Variants in BIRC6 observed in about 807,000 individuals in gnomAD.
BIRC6 encodes the protein dual E2 ubiquitin-conjugating enzyme/E3 ubiquitin-protein ligase BIRC6.
BIRC6 carries 98 observed loss-of-function variants against 503.3 expected under a neutral mutation model. The observed-to-expected ratio is 0.19, with a 90% CI of 0.17 to 0.23. The LOEUF (loss-of-function observed/expected upper bound fraction) is 0.23. Among genes scored for constraint, BIRC6 ranks in the 10% least tolerant of loss-of-function variants. The pLI, the probability that BIRC6 is intolerant of heterozygous loss-of-function variation, is 1.00. For missense variants in BIRC6, 5,360 were observed against 5,806.0 expected (o/e 0.92, Z 2.50); for synonymous variants, 2,240 against 2,078.7 (o/e 1.08, Z -2.11).
chr2:32,495,957 C>A (rs188182542), intron 45 of BIRC6, among the ~76,000 whole-genome samples: 8 of 152,052 alleles, frequency 5.3e-5, no homozygotes, highest in African/African-American at 1.9e-4. Context: ...CCCGCCTCAG[C>A]CTCCTGAGTA....
chr2:32,443,669 A>G (rs2045659151), intron 20 of BIRC6, 81 bp downstream of exon 20: 5 of 1,104,418 alleles, frequency 4.5e-6, no homozygotes, highest in East Asian at 2.7e-5. Context: ...TTTCATAACT[A>G]CTTTTTCTCT....
At chr2:32,390,979 A>G (rs1392453121) in intron 4 of BIRC6, among the ~76,000 whole-genome samples, 6 of 152,206 alleles carry the variant, frequency 3.9e-5, no homozygotes, top group Non-Finnish European at 8.8e-5. Flanking sequence ...ATCTGGTGAT[A>G]TGTGCTATGG....
At chr2:32,467,806 A>G in intron 27 of BIRC6, 67 bp downstream of exon 27, 1 of 1,458,772 alleles carries the variant, frequency 6.9e-7, no homozygotes, top group East Asian at 2.5e-5. Flanking sequence ...AAAAATGAAT[A>G]TATAATTAAA....
chr2:32,525,536 T>TA lies in BIRC6; in HGVS notation c.11829dup (p.Pro3944ThrfsTer2). ...CCACCATCCAGGAGGGGGAGGACAA[T>TA]ACCTGATAAAATAGGAAGTACTTCA... On this transcript the variant is annotated frameshift_variant, in exon 59 of 74. Coordinates refer to ENST00000421745, the MANE Select transcript of BIRC6 (RefSeq NM_016252.4). LOFTEE classifies it high-confidence loss of function. 1 of 1,613,960 alleles carries TA rather than the reference T, an allele frequency of 6.2e-7. No individual in the cohort carries two copies.
At chr2:32,546,353 G>A (rs1301420505) in intron 63 of BIRC6, among the ~76,000 whole-genome samples, 5 of 152,168 alleles carry the variant, frequency 3.3e-5, no homozygotes, top group Admixed American at 6.5e-5. Context: ...GTTGAGGTGG[G>A]TGGATAGCCT....
chr2:32,389,208 C>G (rs953257515), intron 4 of BIRC6, among the ~76,000 whole-genome samples: 10 of 151,846 alleles, frequency 6.6e-5, no homozygotes, highest in African/African-American at 2.4e-4. Context: ...TTGGAAATTC[C>G]AGTTTAGTAC....
intron 10 of BIRC6, among the ~76,000 whole-genome samples, chr2:32,428,217 T>C (rs1574134885): frequency 6.6e-6 from 1 of 152,216 alleles, no homozygotes; most frequent in Admixed American, 6.5e-5. Context: ...TTCGGCTCCC[T>C]CTGGTCTTTG....
chr2:32,373,487 G>A (rs369183998), intron 1 of BIRC6, among the ~76,000 whole-genome samples: 4 of 152,156 alleles, frequency 2.6e-5, no homozygotes, highest in African/African-American at 9.7e-5. Flanking sequence ...TGGGGGAAGC[G>A]ACAATCTTTT....
intron 66 of BIRC6, among the ~76,000 whole-genome samples, chr2:32,579,387 C>G (rs554775353): frequency 6.6e-6 from 1 of 152,032 alleles, no homozygotes; most frequent in South Asian, 2.1e-4. Flanking sequence ...AGCCCAAAAC[C>G]CTTACAAGAG....
chr2:32,524,683 T>C, intron 57 of BIRC6: 1 of 243,070 alleles, frequency 4.1e-6, no homozygotes, highest in Non-Finnish European at 7.9e-6. Context: ...ATATTCTGGC[T>C]TAAGTACAGT....
At chr2:32,441,142 T>C (rs904758907) in intron 16 of BIRC6, among the ~76,000 whole-genome samples, 187 bp from the exon 17 acceptor site, 5 of 152,118 alleles carry the variant, frequency 3.3e-5, no homozygotes, top group African/African-American at 1.2e-4. Context: ...TGTCTTTTTT[T>C]CCCCTATTAT....
intron 65 of BIRC6, among the ~76,000 whole-genome samples, chr2:32,567,221 C>G (rs879300508): frequency 4.6e-4 from 70 of 152,356 alleles, no homozygotes; most frequent in African/African-American, 1.4e-3. Flanking sequence ...CCACCTGCCT[C>G]GGCCTCCCAC....
intron 9 of BIRC6, among the ~76,000 whole-genome samples, chr2:32,412,461 C>A (rs1274304961): frequency 4.0e-5 from 6 of 151,738 alleles, no homozygotes; most frequent in Admixed American, 3.9e-4. Flanking sequence ...TATGCCATTG[C>A]ACTCCCGCCT....
rs1028795383 is a variant in BIRC6, at chr2:32,445,673, T to C, written c.4484+5T>C. The C allele has an allele frequency of 8.5e-6, 13 of 1,523,634 alleles. No homozygotes were observed. The highest frequency in any genetic ancestry group is 1.1e-5 in the Non-Finnish European group (13 of 1,132,948). The allele number at this position is 1,523,634 out of a possible 1,614,324, so 94.4% of individuals were successfully genotyped here. On this transcript the variant is annotated splice_donor_5th_base_variant and intron_variant, in intron 21 of 73. Coordinates refer to ENST00000421745, the MANE Select transcript of BIRC6 (RefSeq NM_016252.4). ...GGAGGCTTTACTTCAGACAAGGTAT[T>C]TTAGTATATCTAATGACTAATAATA...
At chr2:32,485,338 A>G (rs1031296346) in intron 39 of BIRC6, among the ~76,000 whole-genome samples, 1 of 152,130 alleles carries the variant, frequency 6.6e-6, no homozygotes, top group Non-Finnish European at 1.5e-5. Flanking sequence ...TCTTGTCTGT[A>G]TTTATAGCAC....
At chr2:32,594,233 A>G (rs1409924873) in intron 67 of BIRC6, 173 bp downstream of exon 67, 26 of 608,050 alleles carry the variant, frequency 4.3e-5, no homozygotes, top group Non-Finnish European at 7.1e-5. Context: ...TCAATCATGT[A>G]TAGTCTAATT....
chr2:32,529,122 G>A (rs1437726416), intron 59 of BIRC6: 3 of 152,172 alleles, frequency 2.0e-5, no homozygotes, highest in Admixed American at 1.3e-4. Flanking sequence ...TGGTGGAGGC[G>A]AACAAACTAT....
intron 35 of BIRC6, 144 bp downstream of exon 35, chr2:32,477,727 C>T (rs1288323597): frequency 1.8e-5 from 7 of 379,716 alleles, no homozygotes; most frequent in Admixed American, 1.6e-4. Context: ...GGCAAAACCC[C>T]GTCTCTACAA....
At chr2:32,483,538 C>G (rs753832236) in intron 39 of BIRC6, among the ~76,000 whole-genome samples, 1 of 152,126 alleles carries the variant, frequency 6.6e-6, no homozygotes, top group Non-Finnish European at 1.5e-5. Context: ...ATACTGAGAG[C>G]CCATTCAAAT....
Sources: allele counts gnomAD v4.1 joint callset (sites outside exome capture counted in the v4.1 genomes callset), GRCh38; gene constraint gnomAD v4.1.1; transcripts MANE v1.5; gene names NCBI Gene and HGNC (gene_info 2026-07-23, HGNC 2026-07-21).